ITIH2: variants seen among roughly 807,000 people sequenced by gnomAD.
ITIH2 encodes the protein inter-alpha-trypsin inhibitor heavy chain 2, also known as inter-alpha-trypsin inhibitor heavy chain H2.
ITIH2 carries 103 observed loss-of-function variants against 104.4 expected under a neutral mutation model. That is an observed-to-expected ratio of 0.99 (90% confidence interval 0.84 to 1.16). The LOEUF (loss-of-function observed/expected upper bound fraction) is 1.16. Ranked by LOEUF, ITIH2 falls within the 50% of genes most tolerant of loss-of-function variation. The pLI, the probability that ITIH2 is intolerant of heterozygous loss-of-function variation, is 0.00. For missense variants in ITIH2, 1,108 were observed against 1,162.4 expected (o/e 0.95, Z 0.68); for synonymous variants, 436 against 435.4 (o/e 1.00, Z -0.02).
At chr10:7,748,039 T>C (rs1822535627) in intron 20 of ITIH2, among the ~76,000 whole-genome samples, 1 of 151,390 alleles carries the variant, frequency 6.6e-6, no homozygotes, top group African/African-American at 2.4e-5. Flanking sequence ...ACCCCCCCCA[T>C]CTCTACTAAA....
At chr10:7,748,176 T>A (rs1366207009) in intron 20 of ITIH2, among the ~76,000 whole-genome samples, 2 of 150,138 alleles carry the variant, frequency 1.3e-5, no homozygotes, top group Non-Finnish European at 3.0e-5. Flanking sequence ...ACCACTGCAC[T>A]CCAGCCTGAC....
At chr10:7,708,553 G>T (rs551728828) in intron 3 of ITIH2, among the ~76,000 whole-genome samples, 2 of 152,070 alleles carry the variant, frequency 1.3e-5, no homozygotes, top group Non-Finnish European at 2.9e-5. Context: ...TGTAAGGGGG[G>T]GTTGGTGGAG....
intron 17 of ITIH2, 44 bp from the exon 18 acceptor site, chr10:7,744,038 T>G: frequency 6.7e-7 from 1 of 1,497,256 alleles, no homozygotes; most frequent in Non-Finnish European, 9.2e-7. Flanking sequence ...ACATGCAAAA[T>G]AAATGGCACA....
chr10:7,735,406 T>G lies in ITIH2; in HGVS notation c.1957+315T>G, dbSNP rs148124584. Among the ~76,000 whole-genome samples, 7 of 150,824 alleles carry G rather than the reference T, an allele frequency of 4.6e-5. No individual in the cohort carries two copies. The East Asian group carries it at 7.8e-4, about 17-fold the overall frequency. ...GCGAGACCCCATCTCTAAAGAAAAG[T>G]TTTTTTTCATTAGCTGGGTGTGATG... On this transcript the variant is annotated intron_variant, in intron 15 of 20. Transcript: ENST00000358415.
chr10:7,710,472 A>G (rs1339640572), intron 4 of ITIH2, among the ~76,000 whole-genome samples: 1 of 152,194 alleles, frequency 6.6e-6, no homozygotes, highest in Non-Finnish European at 1.5e-5. Flanking sequence ...CAGGTGGTCA[A>G]TGTCCCTCTT....
At chr10:7,715,889 C>T (rs1834844550) in intron 5 of ITIH2, among the ~76,000 whole-genome samples, 1 of 151,942 alleles carries the variant, frequency 6.6e-6, no homozygotes, top group African/African-American at 2.4e-5. Context: ...TATAGGCACC[C>T]ACCACCACAC....
intron 20 of ITIH2, among the ~76,000 whole-genome samples, chr10:7,747,343 G>A (rs995409706): frequency 1.1e-4 from 16 of 152,018 alleles, no homozygotes; most frequent in African/African-American, 3.4e-4. Context: ...GATTCTTCAC[G>A]CCCACAAATG....
Position 7,735,008 on chromosome 10 carries a change from T to TG in ITIH2, c.1875dup (p.Thr626AspfsTer12), listed in dbSNP as rs1835039741. 1 of 1,613,702 alleles carries TG rather than the reference T, an allele frequency of 6.2e-7. No individual in the cohort carries two copies. Among genetic ancestry groups the TG allele is most frequent in the Non-Finnish European group, 8.5e-7 (1 of 1,180,022 alleles). ...CTAGACCACCACATTGTGACTCCGCTGACCTCGCTGGTGATCGAGAACGAG... is the reference window on the plus strand; with the variant it reads ...CTAGACCACCACATTGTGACTCCGCTGGACCTCGCTGGTGATCGAGAACGAG... On this transcript the variant is annotated frameshift_variant, in exon 15 of 21. Transcript: ENST00000358415. LOFTEE classifies it high-confidence loss of function.
intron 19 of ITIH2, among the ~76,000 whole-genome samples, chr10:7,745,569 T>C (rs980122557): frequency 1.3e-5 from 2 of 151,628 alleles, no homozygotes; most frequent in Non-Finnish European, 2.9e-5. Context: ...GGGCACCCCA[T>C]CTCTACCAAA....
intron 6 of ITIH2, among the ~76,000 whole-genome samples, chr10:7,718,510 CTT>C (rs1834872334): frequency 1.3e-5 from 2 of 151,958 alleles, no homozygotes; most frequent in African/African-American, 4.8e-5. Context: ...CTGTAACAGA[CTT>C]TTGTTTCTCA....
At chr10:7,723,278 C>T (rs1269394439) in intron 8 of ITIH2, among the ~76,000 whole-genome samples, 173 bp from the exon 9 acceptor site, 1 of 151,822 alleles carries the variant, frequency 6.6e-6, no homozygotes, top group Non-Finnish European at 1.5e-5. Context: ...AGGTCTTGAC[C>T]CTCAGAGGAG....
At chr10:7,705,213 A>G (rs1834735558) in intron 2 of ITIH2, 31 bp downstream of exon 2, 2 of 1,390,600 alleles carry the variant, frequency 1.4e-6, no homozygotes, top group African/African-American at 1.4e-5. Context: ...AAAAGGGGGA[A>G]AAAAAGTGAA....
chr10:7,746,068 T>TAAAAAAAAAAAA (rs372266950), intron 19 of ITIH2, among the ~76,000 whole-genome samples: 1 of 35,794 alleles, frequency 2.8e-5, no homozygotes, highest in African/African-American at 9.2e-5. Context: ...ATCTTAAATT[T>TAAAAAAAAAAAA]AAAAAAAAAA....
rs183401897 is a variant in ITIH2 at position 7,713,481 on chromosome 10, G to T, written c.467+196G>T. 4.8e-4 allele frequency: 264 copies of T among 545,732 alleles called. 1 individual carries two copies. Among genetic ancestry groups the T allele is most frequent in the Admixed American group, 1.2e-3 (38 of 31,458 alleles). 33.8% of individuals were successfully genotyped at this position (545,732 alleles called of 1,614,324 possible). On this transcript the variant is annotated intron_variant, in intron 5 of 20. Transcript: ENST00000358415. ...GGTCCCTCTTCAACCAATGGGTTTT[G>T]GGTGATCCCACGCTGGTTGTGCTTA...
Position 7,749,381 on chromosome 10 carries a change from CT to C in ITIH2, c.*48del, listed in dbSNP as rs777002264. 2.0e-6 allele frequency: 3 copies of C among 1,485,124 alleles called. No individual in the cohort carries two copies. The highest frequency in any genetic ancestry group is 9.3e-7 in the Non-Finnish European group (1 of 1,079,312). 92.0% of individuals were successfully genotyped at this position (1,485,124 alleles called of 1,614,324 possible). A position where few individuals can be genotyped will look rare whatever the true frequency, so the allele number is the denominator to read the frequency against. Reference sequence around the variant, plus strand: ...ATATATATTAATATACATCTTTCCCCTGTCACTTTTGCAGATATTCTTCGGT... The same window carrying C: ...ATATATATTAATATACATCTTTCCCCGTCACTTTTGCAGATATTCTTCGGT... On this transcript the variant is annotated 3_prime_UTR_variant, in exon 21 of 21. Coordinates refer to ENST00000358415, the MANE Select transcript of ITIH2 (RefSeq NM_002216.3).
In ITIH2 at chr10:7,744,845, G is replaced by T. The variant is rs1835160658; in HGVS notation, c.2463G>T (p.Glu821Asp). The T allele has an allele frequency of 6.2e-7, 1 of 1,614,116 alleles. No homozygotes were observed. The highest frequency in any genetic ancestry group is 1.3e-5 in the African/African-American group (1 of 75,048). ...EKVVTITLDK[E>D]MSFSVLLHRV... ...TGGTAACTATCACCCTGGATAAAGA[G>T]ATGTCCTTTTCTGTTTTACTTCATC... Residue 821 changes from glutamate (E) to aspartate (D), a missense_variant, in exon 19 of 21, where the codon GAG becomes GAT. Physicochemically the swap from Glu to Asp is conservative, Grantham distance 45. Transcript: ENST00000358415.
intron 8 of ITIH2, 55 bp downstream of exon 8, chr10:7,721,832 CT>C: frequency 6.3e-7 from 1 of 1,596,914 alleles, no homozygotes; most frequent in East Asian, 2.2e-5. Flanking sequence ...AGAGCTGCTC[CT>C]TTTTGAACAA....
At chr10:7,715,213 G>T (rs1165094599) in intron 5 of ITIH2, among the ~76,000 whole-genome samples, 1 of 152,176 alleles carries the variant, frequency 6.6e-6, no homozygotes, top group Non-Finnish European at 1.5e-5. Context: ...ATGAGGTCAG[G>T]AGACCGAGAC....
At chr10:7,734,034 C>G (rs557094346) in intron 14 of ITIH2, among the ~76,000 whole-genome samples, 1 of 151,884 alleles carries the variant, frequency 6.6e-6, no homozygotes, top group South Asian at 2.1e-4. Context: ...ATAAAAAGAT[C>G]AGCAGTTGCT....
Sources: gnomAD v4.1 joint callset for allele counts (sites outside exome capture counted in the v4.1 genomes callset) on GRCh38, gnomAD v4.1.1 for gene constraint, MANE v1.5 for transcripts, NCBI Gene and HGNC (gene_info 2026-07-23, HGNC 2026-07-21) for gene names.